Variants in EIF3G observed in about 807,000 individuals in gnomAD.
EIF3G encodes the protein eukaryotic translation initiation factor 3 subunit G, also known as eukaryotic translation initiation factor 3 RNA-binding subunit.
In EIF3G, 10 loss-of-function variants were observed where a neutral mutation model predicts 41.7. That is an observed-to-expected ratio of 0.24 (90% CI 0.15 to 0.41). The LOEUF is 0.41. Ranked by LOEUF, EIF3G falls within the 10% of genes least tolerant of loss-of-function variation. EIF3G has a pLI of 1.00. For missense variants in EIF3G, 297 were observed against 444.0 expected, an observed-to-expected ratio of 0.67 and a Z score of 2.98; for synonymous variants, 204 against 172.5, an observed-to-expected ratio of 1.18 and a Z score of -1.43.
chr19:10,115,287 G>C, intron 10 of EIF3G, 158 bp from the exon 11 acceptor site: 1 of 1,122,594 alleles, frequency 8.9e-7, no homozygotes. Context: ...CTGGTCCACG[G>C]ACTGGCAGGG....
At position 10,117,013 on chromosome 19, in the gene EIF3G, G is replaced by A. The variant is rs766599531; in HGVS notation, c.406-24C>T. On this transcript the variant is annotated intron_variant, in intron 6 of 10. Transcript: ENST00000253108. ...TCCTGGCAGGGGCGGGTTGGGGGGAGCTCAGAGGCGGCTAAGGCACCCCCT... is the reference window on the plus strand; with the variant it reads ...TCCTGGCAGGGGCGGGTTGGGGGGAACTCAGAGGCGGCTAAGGCACCCCCT... The A allele has an allele frequency of 3.1e-6, 5 of 1,603,220 alleles. No individual in the cohort carries two copies. In the East Asian group the frequency reaches 1.1e-4, roughly 36 times the overall value.
chr19:10,115,100 C>T lies in EIF3G; in HGVS notation c.*14G>A, dbSNP rs775192584. The stretch of plus-strand genomic sequence containing the variant: ...CGCCAAGGGTCCCGGACCGAGTACA[C>T]AGTGGCAGCTGGCTTAGTTGGTGGA... On this transcript the variant is annotated 3_prime_UTR_variant, in exon 11 of 11. Coordinates refer to ENST00000253108, the MANE Select transcript of EIF3G (RefSeq NM_003755.5). 354 of 1,613,850 alleles carry T rather than the reference C, an allele frequency of 2.2e-4. No individual in the cohort carries two copies. The Middle Eastern group carries it at 2.5e-3, about 11-fold the overall frequency.
intron 10 of EIF3G, 38 bp from the exon 11 acceptor site, chr19:10,115,167 G>A: frequency 6.2e-7 from 1 of 1,612,218 alleles, no homozygotes; most frequent in Non-Finnish European, 8.5e-7. Context: ...AGACTTCTGG[G>A]GGCACCCCAA....
intron 4 of EIF3G, 61 bp from the exon 5 acceptor site, chr19:10,118,788 T>C (rs1387884519): frequency 6.2e-7 from 1 of 1,609,038 alleles, no homozygotes; most frequent in Admixed American, 1.7e-5. Context: ...TTTATCAACC[T>C]CCTCAACACA....
Position 10,116,592 on chromosome 19 carries a change from A to G in EIF3G, c.595+208T>C. The G allele has an allele frequency of 1.8e-6, 1 of 561,978 alleles. No individual in the cohort carries two copies. The highest frequency in any genetic ancestry group is 3.1e-6 in the Non-Finnish European group (1 of 319,882). The allele number at this position is 561,978 out of a possible 1,614,324, so 34.8% of individuals were successfully genotyped here. A position where few individuals can be genotyped will look rare whatever the true frequency, so the allele number is the denominator to read the frequency against. On this transcript the variant is annotated intron_variant, in intron 7 of 10. Coordinates refer to ENST00000253108, the MANE Select transcript of EIF3G (RefSeq NM_003755.5). This position sits in a 1 kb window ranked among gnomAD's most constrained non-coding sequence, Gnocchi z 4.1. ...TCATCAGGACAGTCACAGGGCCACC[A>G]GCAAAGTCACAGCTGCCAAGTCGCA...
At position 10,116,281 on chromosome 19, in the gene EIF3G, G is replaced by T; in HGVS notation, c.596-207C>A. On this transcript the variant is annotated intron_variant, in intron 7 of 10. Transcript: ENST00000253108. This position sits in a 1 kb window ranked among gnomAD's most constrained non-coding sequence, Gnocchi z 4.1. ...CCAGCCAGCGACACTGGTGGAGGAG[G>T]AGGAGGAGGAGCCCCGACCCCACCC... The T allele has an allele frequency of 1.7e-6, 1 of 603,854 alleles. No homozygotes were observed. Among genetic ancestry groups the T allele is most frequent in the Non-Finnish European group, 2.9e-6 (1 of 341,208 alleles). 37.4% of individuals were successfully genotyped at this position (603,854 alleles called of 1,614,324 possible).
At position 10,119,888 on chromosome 19, in the gene EIF3G, G is replaced by C. The variant is rs769820374; in HGVS notation, c.-29C>G. 5.0e-6 allele frequency: 8 copies of C among 1,614,078 alleles called. No homozygotes were observed. Among genetic ancestry groups the C allele is most frequent in the Non-Finnish European group, 6.8e-6 (8 of 1,180,024 alleles). Reference sequence around the variant, plus strand: ...AAAAAGTATTCTCCACGCAGCCCAAGCCCGGCCAGAGAGCGGAAGCGGGCG... The same window carrying C: ...AAAAAGTATTCTCCACGCAGCCCAACCCCGGCCAGAGAGCGGAAGCGGGCG... On this transcript the variant is annotated 5_prime_UTR_variant, in exon 1 of 11. Transcript: ENST00000253108.
In EIF3G at chr19:10,117,130, G is replaced by A; in HGVS notation, c.359C>T (p.Thr120Ile). The part of the protein sequence containing the change: ...FDPPGPNVAT[T>I]TVSDDVSMTF... Reference sequence around the variant, plus strand: ...CATAGAGACATCGTCACTGACAGTGGTGGTGGCCACATTGGGTCCGGGGGG... The same window carrying A: ...CATAGAGACATCGTCACTGACAGTGATGGTGGCCACATTGGGTCCGGGGGG... Residue 120 changes from threonine (T) to isoleucine (I), a missense_variant, in exon 6 of 11, where the codon ACC becomes ATC. Physicochemically the swap from Thr to Ile is moderately conservative, Grantham distance 89 (BLOSUM62 -1). Transcript: ENST00000253108. The A allele has an allele frequency of 6.2e-7, 1 of 1,613,734 alleles. No homozygotes were observed. The highest frequency in any genetic ancestry group is 2.2e-5 in the East Asian group (1 of 44,876).
In EIF3G at chr19:10,116,179, G is replaced by A. The variant is rs1325645466; in HGVS notation, c.596-105C>T. The A allele has an allele frequency of 1.8e-5, 21 of 1,195,530 alleles. No homozygotes were observed. The Admixed American group carries it at 5.0e-4, about 29-fold the overall frequency. 74.1% of individuals were successfully genotyped at this position (1,195,530 alleles called of 1,614,324 possible). A position where few individuals can be genotyped will look rare whatever the true frequency, so the allele number is the denominator to read the frequency against. On this transcript the variant is annotated intron_variant, in intron 7 of 10. Transcript: ENST00000253108. This position sits in a 1 kb window ranked among gnomAD's most constrained non-coding sequence, Gnocchi z 4.1. ...TCAGTGTTGAGCCAGCGCAGGCACT[G>A]TGTGCCAAACCACAGGCAGCCAGTT...
Position 10,119,140 on chromosome 19 carries a change from C to T in EIF3G, c.99G>A (p.Gly33=), listed in dbSNP as rs1157757264. ...TGGTGTCACCTGTGGCCAGAGGGATCCCCTTGAGGAGCTCGCTGGTGACAC... is the reference window on the plus strand; with the variant it reads ...TGGTGTCACCTGTGGCCAGAGGGATTCCCTTGAGGAGCTCGCTGGTGACAC... The part of the protein sequence containing the change: ...DKCVTSELLK[G]IPLATGDTSP... Residue 33 remains glycine (G), a synonymous_variant, in exon 3 of 11, where the codon GGG becomes GGA. Transcript: ENST00000253108. 1 of 1,598,048 alleles carries T rather than the reference C, an allele frequency of 6.3e-7. No individual in the cohort carries two copies. The highest frequency in any genetic ancestry group is 1.7e-5 in the Admixed American group (1 of 57,568).
chr19:10,118,860 A>T lies in EIF3G; in HGVS notation c.240+8T>A. 1 of 1,578,616 alleles carries T rather than the reference A, an allele frequency of 6.3e-7. No homozygotes were observed. Among genetic ancestry groups the T allele is most frequent in the Non-Finnish European group, 8.6e-7 (1 of 1,164,048 alleles). ...AGGGTCCCCACTCCCTGCACCCCCC[A>T]CCCTCACCTTGAACTTCTTGCCATC... On this transcript the variant is annotated splice_region_variant and intron_variant, in intron 4 of 10. Coordinates refer to ENST00000253108, the MANE Select transcript of EIF3G (RefSeq NM_003755.5).
intron 2 of EIF3G, 103 bp from the exon 3 acceptor site, chr19:10,119,274 A>C (rs2145231001): frequency 7.8e-7 from 1 of 1,286,726 alleles, no homozygotes; most frequent in Middle Eastern, 1.8e-4. Context: ...AAAGCGGAGA[A>C]AGGCAGGCCA....
At chr19:10,115,879 T>C in intron 8 of EIF3G, 59 bp from the exon 9 acceptor site, 5 of 1,587,450 alleles carry the variant, frequency 3.1e-6, no homozygotes, top group Non-Finnish European at 3.4e-6. Flanking sequence ...CCTCGTGTGC[T>C]GCCCAGCCCT....
Position 10,119,116 on chromosome 19 carries a change from G to A in EIF3G, c.123C>T (p.Thr41=), listed in dbSNP as rs11558270. 2.5e-6 allele frequency: 4 copies of A among 1,602,606 alleles called. No individual in the cohort carries two copies. The Admixed American group carries it at 5.2e-5, about 21-fold the overall frequency. The stretch of plus-strand genomic sequence containing the variant: ...CCGGCAGTAGCTCTGGCTCTGGGCT[G>A]GTGTCACCTGTGGCCAGAGGGATCC... The part of the protein sequence containing the change: ...LKGIPLATGD[T]SPEPELLPGA... The change falls in exon 3 of 11, where the codon ACC becomes ACT. Residue 41 remains threonine, a synonymous_variant. Coordinates refer to ENST00000253108, the MANE Select transcript of EIF3G (RefSeq NM_003755.5).
At chr19:10,115,150 AG>A (rs2089218226) in intron 10 of EIF3G, 21 bp from the exon 11 acceptor site, 1 of 1,613,392 alleles carries the variant, frequency 6.2e-7, no homozygotes, top group Admixed American at 1.7e-5. Context: ...GGAGGGTGGC[AG>A]GTATAAGACT....
At position 10,116,369 on chromosome 19, in the gene EIF3G, A is replaced by G. The variant is rs975989789; in HGVS notation, c.596-295T>C. The G allele has an allele frequency of 1.9e-6, 1 of 539,572 alleles. No individual in the cohort carries two copies. The highest frequency in any genetic ancestry group is 3.3e-6 in the Non-Finnish European group (1 of 300,468). The allele number at this position is 539,572 out of a possible 1,614,324, so 33.4% of individuals were successfully genotyped here. A position where few individuals can be genotyped will look rare whatever the true frequency, so the allele number is the denominator to read the frequency against. On this transcript the variant is annotated intron_variant, in intron 7 of 10. Coordinates refer to ENST00000253108, the MANE Select transcript of EIF3G (RefSeq NM_003755.5). The surrounding 1 kb of genome is among the most constrained non-coding windows in gnomAD (Gnocchi z 4.1). Reference sequence around the variant, plus strand: ...CATGCACAGCAACGGCAGACATGGGACACACAACAGGAACAGCGCCCAGGT... The same window carrying G: ...CATGCACAGCAACGGCAGACATGGGGCACACAACAGGAACAGCGCCCAGGT...
chr19:10,119,011 A>C, intron 3 of EIF3G, 55 bp from the exon 4 acceptor site: 1 of 1,613,248 alleles, frequency 6.2e-7, no homozygotes, highest in South Asian at 1.1e-5. Flanking sequence ...GGGGATCAGG[A>C]GCGGCAGGGC....
chr19:10,115,421 C>G, intron 10 of EIF3G, 58 bp downstream of exon 10: 1 of 1,540,810 alleles, frequency 6.5e-7, no homozygotes, highest in Non-Finnish European at 8.8e-7. Flanking sequence ...GCCCAACACT[C>G]CGTGAAGGTG....
chr19:10,115,091 C>G lies in EIF3G; in HGVS notation c.*23G>C, dbSNP rs1377969006. Reference sequence around the variant, plus strand: ...GTCTTCTGTCGCCAAGGGTCCCGGACCGAGTACACAGTGGCAGCTGGCTTA... The same window carrying G: ...GTCTTCTGTCGCCAAGGGTCCCGGAGCGAGTACACAGTGGCAGCTGGCTTA... On this transcript the variant is annotated 3_prime_UTR_variant, in exon 11 of 11. Coordinates refer to ENST00000253108, the MANE Select transcript of EIF3G (RefSeq NM_003755.5). 1 of 1,613,808 alleles carries G rather than the reference C, an allele frequency of 6.2e-7. No homozygotes were observed. The highest frequency in any genetic ancestry group is 1.3e-5 in the African/African-American group (1 of 74,940).
Sources: allele counts gnomAD v4.1 joint callset, GRCh38; gene constraint gnomAD v4.1.1; non-coding constraint Gnocchi (gnomAD v3.1); transcripts MANE v1.5; gene names NCBI Gene and HGNC (gene_info 2026-07-23, HGNC 2026-07-21).